NCOA2: variants seen among roughly 807,000 people sequenced by gnomAD.
The protein encoded by NCOA2 is nuclear receptor coactivator 2.
In NCOA2, 21 loss-of-function variants were observed where a neutral mutation model predicts 145.1. The observed-to-expected ratio is 0.14, with a 90% CI of 0.10 to 0.21. The LOEUF (loss-of-function observed/expected upper bound fraction) is 0.21, where lower values mean the gene tolerates loss of function less well. Among genes scored for constraint, NCOA2 ranks in the 10% least tolerant of loss-of-function variants. The pLI, the probability that NCOA2 is intolerant of heterozygous loss-of-function variation, is 1.00. For missense variants in NCOA2, 1,472 were observed against 1,837.6 expected (o/e 0.80, Z 3.64); for synonymous variants, 619 against 637.5 (o/e 0.97, Z 0.44).
intron 2 of NCOA2, among the ~76,000 whole-genome samples, chr8:70,233,579 C>T (rs78329636): frequency 4.5e-4 from 68 of 152,314 alleles, no homozygotes; most frequent in African/African-American, 1.6e-3. Flanking sequence ...TCTTCCATGA[C>T]ATTCAAATGC....
At chr8:70,442,116 G>GAAGAAAGAAAGAAAGAAAGAAGA in the NCOA2 span, among the ~76,000 whole-genome samples, 422 of 82,404 alleles carry the variant, frequency 5.1e-3, 4 homozygotes, top group Middle Eastern at 0.02. Flanking sequence ...GAGAAAGAAA[G>GAAGAAAGAAAGAAAGAAAGAAGA]AAGAAAGAAA....
chr8:70,123,432 T>C (rs953727054), intron 21 of NCOA2, among the ~76,000 whole-genome samples: 2 of 152,164 alleles, frequency 1.3e-5, no homozygotes, highest in African/African-American at 2.4e-5. Flanking sequence ...GTGGGAGGAC[T>C]GCTTGAGCCG....
intron 2 of NCOA2, among the ~76,000 whole-genome samples, chr8:70,283,414 C>A (rs1209973007): frequency 6.6e-6 from 1 of 152,162 alleles, no homozygotes; most frequent in African/African-American, 2.4e-5. Context: ...ATCTTTCAGA[C>A]TGCTTTCAGT....
intron 2 of NCOA2, among the ~76,000 whole-genome samples, chr8:70,252,470 T>C (rs1319446891): frequency 9.2e-5 from 14 of 152,306 alleles, no homozygotes; most frequent in Non-Finnish European, 2.9e-5. Context: ...GGGTACAACA[T>C]ATGCTCTGAC....
At chr8:70,213,428 A>G (rs1819261263) in intron 4 of NCOA2, among the ~76,000 whole-genome samples, 1 of 152,234 alleles carries the variant, frequency 6.6e-6, no homozygotes, top group Non-Finnish European at 1.5e-5. Context: ...AGACTTTCAA[A>G]TCTCTTGTCA....
At chr8:70,168,090 A>G (rs1813837456) in intron 6 of NCOA2, among the ~76,000 whole-genome samples, 1 of 152,242 alleles carries the variant, frequency 6.6e-6, no homozygotes, top group African/African-American at 2.4e-5. Context: ...TCATCAGCTA[A>G]AGAAAATGGA....
At chr8:70,180,092 T>C (rs1029794652) in intron 4 of NCOA2, among the ~76,000 whole-genome samples, 1 of 152,244 alleles carries the variant, frequency 6.6e-6, no homozygotes, top group Non-Finnish European at 1.5e-5. Context: ...CCACAGTTTT[T>C]CTTTTTAGAT....
the NCOA2 span, among the ~76,000 whole-genome samples, chr8:70,435,620 G>C: frequency 6.6e-6 from 1 of 150,712 alleles, no homozygotes. Flanking sequence ...TGTGAAGATT[G>C]AATAAATTCA....
intron 1 of NCOA2, among the ~76,000 whole-genome samples, chr8:70,334,597 G>T (rs1353273075): frequency 6.6e-6 from 1 of 152,166 alleles, no homozygotes; most frequent in Non-Finnish European, 1.5e-5. Flanking sequence ...ATTAGAGCAT[G>T]AAATTCTAAG....
intron 4 of NCOA2, 112 bp downstream of exon 4, chr8:70,213,791 C>A: frequency 1.2e-6 from 1 of 856,196 alleles, no homozygotes; most frequent in Non-Finnish European, 1.8e-6. Context: ...ATCATTTCCT[C>A]ATCAATAATT....
Position 70,127,646 on chromosome 8 carries a change from G to A in NCOA2, c.3682-599C>T, listed in dbSNP as rs150422760. On this transcript the variant is annotated intron_variant, in intron 18 of 22. Coordinates refer to ENST00000452400, the MANE Select transcript of NCOA2 (RefSeq NM_006540.4). ...AGAGGCATGAGGCTGCTAAGATATCGTTGATCCTCATTTATGAATTCCACA... is the reference window on the plus strand; with the variant it reads ...AGAGGCATGAGGCTGCTAAGATATCATTGATCCTCATTTATGAATTCCACA... Among the ~76,000 whole-genome samples, 129 of 152,220 alleles carry A rather than the reference G, an allele frequency of 8.5e-4. 1 individual carries two copies. In the South Asian group the frequency reaches 0.014, roughly 17 times the overall value.
Position 70,309,459 on chromosome 8 carries a change from A to T in NCOA2, c.-76-12659T>A, listed in dbSNP as rs73684273. On this transcript the variant is annotated intron_variant, in intron 1 of 22. Transcript: ENST00000452400. Reference sequence around the variant, plus strand: ...AGGATTACGATGCTTAAGGATAAATAAAAATTAATTAATTCATTTACCCAA... The same window carrying T: ...AGGATTACGATGCTTAAGGATAAATTAAAATTAATTAATTCATTTACCCAA... Among the ~76,000 whole-genome samples the T allele has an allele frequency of 6.2e-3, 944 of 152,176 alleles. 10 individuals are homozygous for T. The highest frequency in any genetic ancestry group is 0.024 in the Middle Eastern group (7 of 294).
At chr8:70,446,868 C>A in the NCOA2 span, among the ~76,000 whole-genome samples, 1 of 151,962 alleles carries the variant, frequency 6.6e-6, no homozygotes, top group Non-Finnish European at 1.5e-5. Context: ...ATGTTCACCC[C>A]AAACTATGCA....
chr8:70,113,235 C>T lies in NCOA2; in HGVS notation c.*397G>A. 3.8e-6 allele frequency: 1 copy of T among 262,912 alleles called. No homozygotes were observed. The highest frequency in any genetic ancestry group is 7.2e-6 in the Non-Finnish European group (1 of 138,386). The allele number at this position is 262,912 out of a possible 1,614,324, so 16.3% of individuals were successfully genotyped here. On this transcript the variant is annotated 3_prime_UTR_variant, in exon 23 of 23. Transcript: ENST00000452400. ...GCACTAGACTGTTAGCCAGGGAAAA[C>T]AAAGCAAGAAACCAGTGTCTGGAAC...
At chr8:70,407,009 T>A (rs1422515634), upstream of NCOA2, among the ~76,000 whole-genome samples, 1 of 152,190 alleles carries the variant, frequency 6.6e-6, no homozygotes, top group Non-Finnish European at 1.5e-5. Flanking sequence ...CTCAAAATGG[T>A]GTAAATAAAT....
chr8:70,349,500 A>G (rs951964013), intron 1 of NCOA2, among the ~76,000 whole-genome samples: 6 of 152,118 alleles, frequency 3.9e-5, no homozygotes, highest in African/African-American at 7.2e-5. Context: ...CAATAGATGC[A>G]AACTAGAGAA....
At chr8:70,332,156 T>C (rs1807170346) in intron 1 of NCOA2, among the ~76,000 whole-genome samples, 1 of 152,176 alleles carries the variant, frequency 6.6e-6, no homozygotes, top group Admixed American at 6.6e-5. Context: ...GCCAACACCA[T>C]TGCTTGTAGC....
At chr8:70,445,497 A>G in the NCOA2 span, among the ~76,000 whole-genome samples, 1 of 152,210 alleles carries the variant, frequency 6.6e-6, no homozygotes, top group South Asian at 2.1e-4. Context: ...GATCTCACTG[A>G]GAAAAAAATA....
chr8:70,348,978 G>GA lies in NCOA2; in HGVS notation c.-76-52179dup, dbSNP rs1347160858. Among the ~76,000 whole-genome samples, 6 of 138,086 alleles carry GA rather than the reference G, an allele frequency of 4.3e-5. No homozygotes were observed. In the East Asian group the frequency reaches 9.9e-4, roughly 23 times the overall value. The allele number at this position is 138,086 out of a possible 152,430, so 90.6% of individuals were successfully genotyped here. On this transcript the variant is annotated intron_variant, in intron 1 of 22. Coordinates refer to ENST00000452400, the MANE Select transcript of NCOA2 (RefSeq NM_006540.4). ...AGGGCATACTGGCATAGAAGAGAGGGAAAAAATTGAAAATGTGGGGGGCAT... is the reference window on the plus strand; with the variant it reads ...AGGGCATACTGGCATAGAAGAGAGGGAAAAAAATTGAAAATGTGGGGGGCAT...
Sources: gnomAD v4.1 joint callset for allele counts (sites outside exome capture counted in the v4.1 genomes callset) on GRCh38, gnomAD v4.1.1 for gene constraint, MANE v1.5 for transcripts, NCBI Gene and HGNC (gene_info 2026-07-23, HGNC 2026-07-21) for gene names.